NUP43: variants seen among roughly 807,000 people sequenced by gnomAD.
NUP43 encodes nucleoporin Nup43.
NUP43 carries 32 observed loss-of-function variants against 47.3 expected under a neutral mutation model. That is an observed-to-expected ratio of 0.68 (90% CI 0.51 to 0.91). NUP43 has a LOEUF of 0.91. NUP43 is among the 40% of genes least tolerant of loss of function. The pLI is 0.00. For missense variants in NUP43, 444 were observed against 453.9 expected (o/e 0.98, Z 0.20); for synonymous variants, 147 against 158.4 (o/e 0.93, Z 0.54).
intron 5 of NUP43, among the ~76,000 whole-genome samples, chr6:149,737,903 C>A (rs1363884187): frequency 6.6e-6 from 1 of 152,092 alleles, no homozygotes; most frequent in Non-Finnish European, 1.5e-5. Flanking sequence ...GTTGGCCAGG[C>A]TGGTATTGAA....
In NUP43 at chr6:149,746,121, A is replaced by T. The variant is rs547894455; in HGVS notation, c.121-59T>A. ...TAAACGTCAACTCTCGGAAAATAAA[A>T]GTTGTGCTCCCGTCCGGAAATGTTG... On this transcript the variant is annotated intron_variant, in intron 1 of 7. Transcript: ENST00000340413. 10 of 1,580,494 alleles carry T rather than the reference A, an allele frequency of 6.3e-6. No homozygotes were observed. In the African/African-American group the frequency reaches 1.2e-4, roughly 19 times the overall value.
At chr6:149,742,012 C>T (rs1327238529) in intron 4 of NUP43, among the ~76,000 whole-genome samples, 1 of 152,068 alleles carries the variant, frequency 6.6e-6, no homozygotes, top group African/African-American at 2.4e-5. Context: ...GCATGCGCCA[C>T]CACGCCTGGC....
chr6:149,747,948 A>G (rs1027810441), upstream of NUP43, among the ~76,000 whole-genome samples: 1 of 152,252 alleles, frequency 6.6e-6, no homozygotes, highest in African/African-American at 2.4e-5. Context: ...AACTGTAGAA[A>G]GATGAAATGG....
Position 149,736,577 on chromosome 6 carries a change from G to C in NUP43, c.684C>G (p.Asn228Lys). Reference sequence around the variant, plus strand: ...CACCAGTAGCTACAACATGCTGTTGGTTGGGATGTCTATCAACACAGTGGA... The same window carrying C: ...CACCAGTAGCTACAACATGCTGTTGCTTGGGATGTCTATCAACACAGTGGA... The part of the protein sequence containing the change: ...VPLHCVDRHP[N>K]QQHVVATGGQ... The change falls in exon 6 of 8, where the codon AAC becomes AAG. Residue 228 changes from asparagine (N) to lysine (K), a missense_variant. Coordinates refer to ENST00000340413, the MANE Select transcript of NUP43 (RefSeq NM_198887.3). The C allele has an allele frequency of 7.5e-6, 12 of 1,609,900 alleles. No homozygotes were observed. The highest frequency in any genetic ancestry group is 1.0e-5 in the Non-Finnish European group (12 of 1,176,540).
intron 6 of NUP43, among the ~76,000 whole-genome samples, chr6:149,735,622 A>ACACAC (rs1785293119): frequency 6.7e-6 from 1 of 148,452 alleles, no homozygotes; most frequent in Non-Finnish European, 1.5e-5. Context: ...AAAAAAAAAC[A>ACACAC]CACACAGAGA....
chr6:149,747,684 A>C (rs1582991071), upstream of NUP43, among the ~76,000 whole-genome samples: 1 of 152,224 alleles, frequency 6.6e-6, no homozygotes, highest in Non-Finnish European at 1.5e-5. Flanking sequence ...ACTGAATACA[A>C]GAGATATGAC....
intron 2 of NUP43, 76 bp downstream of exon 2, chr6:149,745,864 T>C: frequency 7.3e-7 from 1 of 1,377,214 alleles, no homozygotes; most frequent in Non-Finnish European, 9.8e-7. Flanking sequence ...ACCAGACAAC[T>C]TTTATGATGC....
At chr6:149,731,159 A>G (rs1785019828) in intron 7 of NUP43, among the ~76,000 whole-genome samples, 1 of 151,832 alleles carries the variant, frequency 6.6e-6, no homozygotes, top group African/African-American at 2.4e-5. Context: ...AATCCCAGCT[A>G]CTAGGGAAGC....
In NUP43 at chr6:149,731,797, C is replaced by T. The variant is rs1785060370; in HGVS notation, c.791-62G>A. The T allele has an allele frequency of 1.9e-6, 3 of 1,563,030 alleles. No homozygotes were observed. The East Asian group carries it at 6.8e-5, about 35-fold the overall frequency. On this transcript the variant is annotated intron_variant, in intron 6 of 7. Transcript: ENST00000340413. ...GATTCGCTGAACAAACAACATTAAACCCCCATCTCTAGGCATCATCTTCCA... is the reference window on the plus strand; with the variant it reads ...GATTCGCTGAACAAACAACATTAAATCCCCATCTCTAGGCATCATCTTCCA...
chr6:149,745,617 C>T (rs948506496), intron 2 of NUP43, among the ~76,000 whole-genome samples: 1 of 152,174 alleles, frequency 6.6e-6, no homozygotes, highest in Non-Finnish European at 1.5e-5. Context: ...ATATTAGTCT[C>T]AATTTTCTCA....
At chr6:149,731,066 G>T (rs1785014016) in intron 7 of NUP43, among the ~76,000 whole-genome samples, 1 of 152,104 alleles carries the variant, frequency 6.6e-6, no homozygotes, top group African/African-American at 2.4e-5. Flanking sequence ...CCAGGAGTTT[G>T]AGACCAGCCT....
upstream of NUP43, chr6:149,746,679 C>A: frequency 1.3e-6 from 2 of 1,546,202 alleles, no homozygotes; most frequent in Non-Finnish European, 1.7e-6. Flanking sequence ...GCCCACCCAT[C>A]TCACAGAGCA....
At chr6:149,728,158 T>C in intron 7 of NUP43, 1 of 985,242 alleles carries the variant, frequency 1.0e-6, no homozygotes, top group Non-Finnish European at 1.2e-6. Flanking sequence ...TCTTATATCC[T>C]AATTGAACTA....
chr6:149,727,944 C>G, intron 7 of NUP43: 1 of 984,796 alleles, frequency 1.0e-6, no homozygotes, highest in East Asian at 1.1e-4. Flanking sequence ...TACTATGTGC[C>G]AGGCTCTGTG....
intron 6 of NUP43, among the ~76,000 whole-genome samples, chr6:149,733,469 G>C (rs999374753): frequency 7.9e-5 from 12 of 152,004 alleles, no homozygotes; most frequent in Non-Finnish European, 4.4e-5. Context: ...TTTGAAACAG[G>C]GTCTTGCTCT....
At chr6:149,741,150 G>A (rs911042348) in intron 4 of NUP43, among the ~76,000 whole-genome samples, 9 of 151,834 alleles carry the variant, frequency 5.9e-5, no homozygotes, top group Non-Finnish European at 8.8e-5. Context: ...CCTGCCTTGC[G>A]TTGTGTGTGC....
chr6:149,724,797 C>G lies in NUP43; in HGVS notation c.*2172G>C, dbSNP rs1401356674. 6.6e-6 allele frequency: 1 copy of G among 152,060 alleles called. No homozygotes were observed. Among genetic ancestry groups the G allele is most frequent in the African/African-American group, 2.4e-5 (1 of 41,404 alleles). The allele number at this position is 152,060 out of a possible 1,614,324, so 9.4% of individuals were successfully genotyped here. ...GGAGACGGGGTTTCGCCATGTTGGC[C>G]AGGCTGATCTCGAACTCTTGACCTC... On this transcript the variant is annotated 3_prime_UTR_variant, in exon 8 of 8. Transcript: ENST00000340413.
At chr6:149,746,303 G>T in intron 1 of NUP43, 73 bp downstream of exon 1, 1 of 1,574,676 alleles carries the variant, frequency 6.4e-7, no homozygotes, top group South Asian at 1.2e-5. Flanking sequence ...GGGAGTTGGC[G>T]CGCGGAAGGC....
At chr6:149,741,454 G>A (rs1048172120) in intron 4 of NUP43, among the ~76,000 whole-genome samples, 5 of 152,030 alleles carry the variant, frequency 3.3e-5, no homozygotes, top group East Asian at 1.9e-4. Flanking sequence ...GATTATAGGC[G>A]TCAGCCACTG....
Sources: gnomAD v4.1 joint callset for allele counts (sites outside exome capture counted in the v4.1 genomes callset) on GRCh38, gnomAD v4.1.1 for gene constraint, MANE v1.5 for transcripts, NCBI Gene and HGNC (gene_info 2026-07-23, HGNC 2026-07-21) for gene names.